The following ATP2B2 variants were observed in gnomAD, a reference collection of about 807,000 sequenced individuals.
ATP2B2 encodes plasma membrane calcium-transporting ATPase 2.
Under a neutral mutation model 120.0 loss-of-function variants are expected in ATP2B2, and 15 were observed. The ratio of observed to expected loss-of-function variants is 0.12; its 90% confidence interval spans 0.08 to 0.19. The LOEUF is 0.19. Among genes scored for constraint, ATP2B2 ranks in the 10% least tolerant of loss-of-function variants. The probability of loss-of-function intolerance (pLI) is 1.00; values close to 1 mark genes in which losing one functional copy is unlikely to be tolerated. For missense variants in ATP2B2, 1,045 were observed against 1,719.8 expected, an observed-to-expected ratio of 0.61 and a Z score of 6.94; for synonymous variants, 694 against 700.3, an observed-to-expected ratio of 0.99 and a Z score of 0.14.
At chr3:10,395,008 C>A (rs1286206865) in intron 5 of ATP2B2, among the ~76,000 whole-genome samples, 1 of 152,184 alleles carries the variant, frequency 6.6e-6, no homozygotes, top group Non-Finnish European at 1.5e-5. Flanking sequence ...GGCTTCCGCC[C>A]TGCCCCTGCC....
chr3:10,597,219 ACACACACACAGAGGCACATACCCACAGG>A lies in ATP2B2; in HGVS notation c.-415+22670_-415+22697del, dbSNP rs1390255005. ...CACACACAGGCACAGGAACCTAGGC[ACACACACACAGAGGCACATACCCACAGG>A]CACACACACAGACACAGGCACAGGC... On this transcript the variant is annotated intron_variant, in intron 2 of 21. Coordinates refer to the ATP2B2 transcript ENST00000646379. Among the ~76,000 whole-genome samples, 529 of 150,882 alleles carry A rather than the reference ACACACACACAGAGGCACATACCCACAGG, an allele frequency of 3.5e-3. 3 individuals carry two copies. Among genetic ancestry groups the A allele is most frequent in the African/African-American group, 0.012 (505 of 41,066 alleles).
Position 10,401,097 on chromosome 3 carries a change from G to C in ATP2B2, c.656-19C>G. 1 of 1,613,280 alleles carries C rather than the reference G, an allele frequency of 6.2e-7. No individual in the cohort carries two copies. The highest frequency in any genetic ancestry group is 8.5e-7 in the Non-Finnish European group (1 of 1,179,600). On this transcript the variant is annotated intron_variant, in intron 4 of 22. Transcript: ENST00000360273. ...AGGTCACCTGGCAAGAGGAAGGGCA[G>C]GGGAGTCAGCAGGCTCTCAGGTGAC...
At chr3:10,573,157 T>TC (rs1166800929) in intron 2 of ATP2B2, among the ~76,000 whole-genome samples, 2 of 152,026 alleles carry the variant, frequency 1.3e-5, no homozygotes, top group Non-Finnish European at 2.9e-5. Context: ...ATACATTTTT[T>TC]TTTTTTTGCA....
rs114259639 is a variant in ATP2B2 at position 10,701,557 on chromosome 3, G to A, written c.-460+6358C>T. On this transcript the variant is annotated intron_variant, in intron 1 of 21. Coordinates refer to the ATP2B2 transcript ENST00000646379. ...TGACAGTTTGTATTTCATAAGAAAC[G>A]CATTCATCCAATGTACATTTATTAA... 5.1e-3 allele frequency among the ~76,000 whole-genome samples: 783 copies of A among 152,108 alleles called. 7 individuals carry two copies. Among genetic ancestry groups the A allele is most frequent in the African/African-American group, 0.018 (754 of 41,482 alleles).
chr3:10,692,366 G>A (rs1039043632), intron 1 of ATP2B2, among the ~76,000 whole-genome samples: 4 of 152,342 alleles, frequency 2.6e-5, no homozygotes, highest in African/African-American at 9.6e-5. Flanking sequence ...AGGCTTGCCG[G>A]CTGCAGACAA....
intron 3 of ATP2B2, among the ~76,000 whole-genome samples, chr3:10,404,871 T>C (rs1213875428): frequency 1.3e-5 from 2 of 152,316 alleles, no homozygotes; most frequent in Admixed American, 1.3e-4. Context: ...CAGAGCCCCA[T>C]GCTGCATTTT....
intron 12 of ATP2B2, among the ~76,000 whole-genome samples, chr3:10,362,401 G>T (rs147130163): frequency 1.3e-5 from 2 of 152,190 alleles, no homozygotes; most frequent in Non-Finnish European, 2.9e-5. Context: ...GATTCACATG[G>T]GGGGAATACA....
At chr3:10,400,844 CAG>C in intron 5 of ATP2B2, 107 bp downstream of exon 5, 1 of 1,543,292 alleles carries the variant, frequency 6.5e-7, no homozygotes. Context: ...CTGGAGATAC[CAG>C]AGCCAAGGAT....
At chr3:10,469,443 G>T (rs952885231) in intron 1 of ATP2B2, among the ~76,000 whole-genome samples, 10 of 152,234 alleles carry the variant, frequency 6.6e-5, no homozygotes, top group Non-Finnish European at 1.5e-4. Context: ...AATACAAGAG[G>T]TCATGCAGGG....
Position 10,356,030 on chromosome 3 carries a change from G to C in ATP2B2, c.2136+2661C>G, listed in dbSNP as rs1279173308. ...GCGGAGCTTGCAGTGAGCCGAGATCGCGCCACTGCACTCCAGCCTGGGCGA... is the reference window on the plus strand; with the variant it reads ...GCGGAGCTTGCAGTGAGCCGAGATCCCGCCACTGCACTCCAGCCTGGGCGA... On this transcript the variant is annotated intron_variant, in intron 14 of 22. Coordinates refer to ENST00000360273, the MANE Select transcript of ATP2B2 (RefSeq NM_001001331.4). Among the ~76,000 whole-genome samples the C allele has an allele frequency of 8.8e-4, 23 of 26,004 alleles. 3 individuals carry two copies. Among genetic ancestry groups the C allele is most frequent in the Non-Finnish European group, 1.4e-3 (21 of 15,010 alleles). 17.1% of individuals were successfully genotyped at this position (26,004 alleles called of 152,430 possible). A position where few individuals can be genotyped will look rare whatever the true frequency, so the allele number is the denominator to read the frequency against.
chr3:10,340,419 T>C lies in ATP2B2; in HGVS notation c.3130-70A>G. On this transcript the variant is annotated intron_variant, in intron 20 of 22. Transcript: ENST00000360273. The surrounding 1 kb of genome is among the most constrained non-coding windows in gnomAD (Gnocchi z 5.0). The stretch of plus-strand genomic sequence containing the variant: ...CAGGGACCAGCACAGAGGGCTGGGC[T>C]CTCAGGGTCCTGCCCAGGGGCTCCA... 6.2e-7 allele frequency: 1 copy of C among 1,611,032 alleles called. No individual in the cohort carries two copies. The highest frequency in any genetic ancestry group is 8.5e-7 in the Non-Finnish European group (1 of 1,177,216).
At chr3:10,391,486 C>A (rs2061848018) in intron 5 of ATP2B2, among the ~76,000 whole-genome samples, 1 of 152,184 alleles carries the variant, frequency 6.6e-6, no homozygotes, top group Non-Finnish European at 1.5e-5. Context: ...CAATTTCCAC[C>A]CACGATAATC....
At chr3:10,497,721 T>A (rs781579009) in intron 1 of ATP2B2, among the ~76,000 whole-genome samples, 19 of 152,226 alleles carry the variant, frequency 1.2e-4, no homozygotes, top group Non-Finnish European at 2.4e-4. Flanking sequence ...AAATTCCTCC[T>A]TGTACTACGG....
chr3:10,392,668 C>T (rs970753539), intron 5 of ATP2B2, among the ~76,000 whole-genome samples: 2 of 152,218 alleles, frequency 1.3e-5, no homozygotes, highest in Admixed American at 1.3e-4. Flanking sequence ...CTCTAACTGC[C>T]CACAGAGCCC....
chr3:10,587,296 C>A (rs1254833046), intron 2 of ATP2B2, among the ~76,000 whole-genome samples: 1 of 150,936 alleles, frequency 6.6e-6, no homozygotes, highest in African/African-American at 2.4e-5. Flanking sequence ...CAAAATGAGA[C>A]CCTGTCTCAA....
intron 1 of ATP2B2, among the ~76,000 whole-genome samples, chr3:10,494,752 GC>G (rs2066074288): frequency 6.6e-6 from 1 of 152,142 alleles, no homozygotes; most frequent in African/African-American, 2.4e-5. Context: ...TTACAGAGTG[GC>G]CTTCAGCCCC....
chr3:10,533,782 T>C (rs1221188558), intron 3 of ATP2B2, among the ~76,000 whole-genome samples: 1 of 152,212 alleles, frequency 6.6e-6, no homozygotes. Flanking sequence ...CCATCCACCA[T>C]GTGACATGAT....
chr3:10,515,576 T>A (rs888360860), intron 3 of ATP2B2, among the ~76,000 whole-genome samples: 3 of 152,158 alleles, frequency 2.0e-5, no homozygotes, highest in Non-Finnish European at 4.4e-5. Flanking sequence ...CATCAGCCTC[T>A]GCCTGAAAAC....
At chr3:10,588,552 C>A (rs1478099834) in intron 2 of ATP2B2, among the ~76,000 whole-genome samples, 1 of 152,190 alleles carries the variant, frequency 6.6e-6, no homozygotes, top group Non-Finnish European at 1.5e-5. Context: ...AGCACATCAC[C>A]TCCTCTGCCT....
Sources: gnomAD v4.1 joint callset for allele counts (sites outside exome capture counted in the v4.1 genomes callset) on GRCh38, gnomAD v4.1.1 for gene constraint, Gnocchi (gnomAD v3.1) non-coding constraint, MANE v1.5 for transcripts, NCBI Gene and HGNC (gene_info 2026-07-23, HGNC 2026-07-21) for gene names.